Variants in ACACB observed in about 807,000 individuals in gnomAD.
ACACB encodes the protein acetyl-CoA carboxylase 2.
Under a neutral mutation model 278.8 loss-of-function variants are expected in ACACB, and 209 were observed. The observed-to-expected ratio is 0.75, with a 90% CI of 0.67 to 0.84. The LOEUF is 0.84. Among genes scored for constraint, ACACB ranks in the 40% least tolerant of loss-of-function variants. ACACB has a pLI of 0.00. For synonymous variants in ACACB, 1,174 were observed against 1,285.6 expected, an observed-to-expected ratio of 0.91 and a Z score of 1.86; for missense variants, 2,850 against 3,269.0, an observed-to-expected ratio of 0.87 and a Z score of 3.13.
intron 24 of ACACB, among the ~76,000 whole-genome samples, chr12:109,219,073 CT>C (rs1431279808): frequency 6.6e-6 from 1 of 151,820 alleles, no homozygotes; most frequent in Non-Finnish European, 1.5e-5. Flanking sequence ...GGCCTGGCAA[CT>C]TTTTTTTGTA....
intron 15 of ACACB, 82 bp from the exon 16 acceptor site, chr12:109,193,566 C>T (rs759506157): frequency 3.6e-5 from 42 of 1,168,950 alleles, no homozygotes; most frequent in South Asian, 9.9e-5. Flanking sequence ...CAGAGAGTTG[C>T]GTAATTTTTT....
chr12:109,239,180 C>T (rs2046723653), intron 34 of ACACB, among the ~76,000 whole-genome samples: 1 of 152,160 alleles, frequency 6.6e-6, no homozygotes, highest in Non-Finnish European at 1.5e-5. Context: ...TCCCAAAGTG[C>T]TGGGATTATA....
At chr12:109,166,779 C>T (rs1167346675) in intron 2 of ACACB, 82 bp from the exon 3 acceptor site, 1 of 1,571,862 alleles carries the variant, frequency 6.4e-7, no homozygotes, top group Admixed American at 1.8e-5. Flanking sequence ...GGCTCCTCTG[C>T]TCCACTGGCT....
At chr12:109,265,552 A>G in intron 52 of ACACB, 27 bp downstream of exon 52, 1 of 1,610,104 alleles carries the variant, frequency 6.2e-7, no homozygotes, top group East Asian at 2.2e-5. Flanking sequence ...CCTGCTTCCC[A>G]GCCTCCTGGC....
chr12:109,222,447 G>A (rs1046935513), intron 24 of ACACB, 60 bp from the exon 25 acceptor site: 2 of 1,505,020 alleles, frequency 1.3e-6, no homozygotes, highest in Non-Finnish European at 9.2e-7. Context: ...GTCGAGATGA[G>A]TGCTGCATGT....
In ACACB at chr12:109,233,780, A is replaced by G; in HGVS notation, c.4172A>G (p.Asn1391Ser). The G allele has an allele frequency of 6.2e-7, 1 of 1,614,116 alleles. No individual in the cohort carries two copies. Among genetic ancestry groups the G allele is most frequent in the Non-Finnish European group, 8.5e-7 (1 of 1,180,030 alleles). ...GATGAAGTCATCTCTTGCTTCGCCAACGTGCCCAAAGACACCCCCCTCTTC... is the reference window on the plus strand; with the variant it reads ...GATGAAGTCATCTCTTGCTTCGCCAGCGTGCCCAAAGACACCCCCCTCTTC... The part of the protein sequence containing the change: ...NFDEVISCFA[N>S]VPKDTPLFSE... The change falls in exon 30 of 53, where the codon AAC becomes AGC. Residue 1391 changes from asparagine to serine, a missense_variant. Around this residue, in one of 3 missense-constraint regions of ACACB, gnomAD observed 2,265 missense variants for 2,561.3 expected, o/e 0.88. Transcript: ENST00000338432.
intron 2 of ACACB, among the ~76,000 whole-genome samples, chr12:109,160,887 G>T (rs566525502): frequency 6.6e-6 from 1 of 152,258 alleles, no homozygotes; most frequent in East Asian, 1.9e-4. Flanking sequence ...GCCAAGAATG[G>T]TTTTTTTGCC....
intron 30 of ACACB, 43 bp from the exon 31 acceptor site, chr12:109,233,895 G>A (rs374629447): frequency 6.2e-7 from 1 of 1,613,012 alleles, no homozygotes; most frequent in Non-Finnish European, 8.5e-7. Flanking sequence ...GTGGGCCGTG[G>A]CCCCCAGGCT....
In ACACB at chr12:109,253,224, C is replaced by T. The variant is rs2047142921; in HGVS notation, c.6045+66C>T. 8 of 1,435,794 alleles carry T rather than the reference C, an allele frequency of 5.6e-6. No individual in the cohort carries two copies. In the South Asian group the frequency reaches 9.8e-5, roughly 18 times the overall value. The allele number at this position is 1,435,794 out of a possible 1,614,324, so 88.9% of individuals were successfully genotyped here. The stretch of plus-strand genomic sequence containing the variant: ...TATTAAGCTCATTGGCTAATTCTGT[C>T]CCTGTCACCTCCTGGGTGGTGTGGG... On this transcript the variant is annotated intron_variant, in intron 43 of 52. Transcript: ENST00000338432.
rs769331822 is a variant in ACACB, at chr12:109,259,025, C to T, written c.6413C>T (p.Ala2138Val). ...TTCCCAGACTCAGCCTACAAAACCG[C>T]CCAGGCCGTCAAGGACTTCAACCGG... Reference protein sequence around the residue: ...VWFPDSAYKTAQAVKDFNREK... With the variant: ...VWFPDSAYKTVQAVKDFNREK... The change falls in exon 47 of 53, where the codon GCC (alanine) becomes GTC (valine). Residue 2138 changes from alanine (A) to valine (V), a missense_variant. Physicochemically the swap from Ala to Val is moderately conservative, Grantham distance 64 (BLOSUM62 0). Transcript: ENST00000338432. 16 of 1,614,036 alleles carry T rather than the reference C, an allele frequency of 9.9e-6. No individual in the cohort carries two copies. The highest frequency in any genetic ancestry group is 1.3e-5 in the African/African-American group (1 of 74,918).
At chr12:109,174,480 C>T (rs1263067297) in intron 7 of ACACB, among the ~76,000 whole-genome samples, 1 of 151,572 alleles carries the variant, frequency 6.6e-6, no homozygotes, top group African/African-American at 2.4e-5. Flanking sequence ...ATCCTATGAC[C>T]CAGTGTTGAA....
intron 49 of ACACB, chr12:109,262,964 A>ATATATG (rs2047420848): frequency 7.6e-6 from 1 of 131,490 alleles, no homozygotes; most frequent in Non-Finnish European, 1.7e-5. Context: ...ATATATATAT[A>ATATATG]TATATATATA....
intron 12 of ACACB, among the ~76,000 whole-genome samples, chr12:109,187,137 A>G (rs1026137252): frequency 3.3e-5 from 5 of 150,780 alleles, no homozygotes; most frequent in Non-Finnish European, 4.4e-5. Flanking sequence ...ACGAAGGGAG[A>G]GAGGGAAGGA....
chr12:109,125,867 A>T (rs1005764192), intron 1 of ACACB, among the ~76,000 whole-genome samples: 5 of 152,166 alleles, frequency 3.3e-5, no homozygotes, highest in Non-Finnish European at 7.3e-5. Context: ...TTGGTTTCAC[A>T]CTCAAAAATG....
Position 109,242,574 on chromosome 12 carries a change from C to T in ACACB, c.5160C>T (p.Phe1720=), listed in dbSNP as rs1183381565. 1 of 1,614,078 alleles carries T rather than the reference C, an allele frequency of 6.2e-7. No homozygotes were observed. Among genetic ancestry groups the T allele is most frequent in the South Asian group, 1.1e-5 (1 of 91,086 alleles). Residue 1720 remains phenylalanine (F), a synonymous_variant, in exon 37 of 53, where the codon TTC becomes TTT. Transcript: ENST00000338432. ...TGGGAACCACCTACATCTATGACTT[C>T]CCGGAAATGTTCAGGCAGGCAAGTC... ...QTLGTTYIYD[F]PEMFRQALFK...
intron 4 of ACACB, among the ~76,000 whole-genome samples, 192 bp from the exon 5 acceptor site, chr12:109,171,613 G>T (rs1416619698): frequency 6.6e-6 from 1 of 151,566 alleles, no homozygotes; most frequent in East Asian, 1.9e-4. Flanking sequence ...GCCTCCCAAA[G>T]TGCTGGGATT....
rs1371690408 is a variant in ACACB at position 109,198,090 on chromosome 12, G to GT, written c.2627+941dup. ...TTTTTGTATTTTTTGTAGAGACGGGGTTTTGCCATGTTGCTCAGGCTGGTC... is the reference window on the plus strand; with the variant it reads ...TTTTTGTATTTTTTGTAGAGACGGGGTTTTTGCCATGTTGCTCAGGCTGGTC... On this transcript the variant is annotated intron_variant, in intron 17 of 52. Transcript: ENST00000338432. 3.3e-5 allele frequency among the ~76,000 whole-genome samples: 5 copies of GT among 152,006 alleles called. No individual in the cohort carries two copies. In the East Asian group the frequency reaches 5.8e-4, roughly 18 times the overall value.
chr12:109,200,216 G>T (rs2045289317), intron 18 of ACACB, among the ~76,000 whole-genome samples: 1 of 151,510 alleles, frequency 6.6e-6, no homozygotes, highest in African/African-American at 2.4e-5. Flanking sequence ...ACAAGTCTCA[G>T]TCTGTCACCC....
intron 20 of ACACB, 66 bp from the exon 21 acceptor site, chr12:109,209,099 C>T (rs1162469601): frequency 6.7e-7 from 1 of 1,501,554 alleles, no homozygotes; most frequent in African/African-American, 1.4e-5. Flanking sequence ...GTTGGGTGCC[C>T]TGTTTGGGGC....
Sources: allele counts gnomAD v4.1 joint callset (sites outside exome capture counted in the v4.1 genomes callset), GRCh38; gene constraint gnomAD v4.1.1; regional missense constraint gnomAD v4.1.1; transcripts MANE v1.5; gene names NCBI Gene and HGNC (gene_info 2026-07-23, HGNC 2026-07-21).